Variants in EFHC2 observed in about 807,000 individuals in gnomAD.
EFHC2 encodes the protein EF-hand domain containing 2, also known as EF-hand domain-containing family member C2.
In EFHC2, 18 loss-of-function variants were observed where a neutral mutation model predicts 52.7. The observed-to-expected ratio is 0.34, with a 90% confidence interval of 0.24 to 0.51. EFHC2 has a LOEUF of 0.51. Among genes scored for constraint, EFHC2 ranks in the 20% least tolerant of loss-of-function variants. The pLI, the probability that EFHC2 is intolerant of heterozygous loss-of-function variation, is 0.97. For synonymous variants in EFHC2, 203 were observed against 204.1 expected (o/e 0.99, Z 0.04); for missense variants, 513 against 562.5 (o/e 0.91, Z 0.89).
Position 44,235,315 on chromosome X carries a change from C to T in EFHC2, c.1413G>A (p.Glu471=). The T allele has an allele frequency of 8.5e-7, 1 of 1,172,444 alleles. No homozygotes were observed. Among genetic ancestry groups the T allele is most frequent in the Non-Finnish European group, 1.1e-6 (1 of 875,495 alleles). ...DDTISVFEPI[E]RNSGIAGGMF... ...GAGTATATCTCTTACCTGAATTCCT[C>T]TCTATAGGTTCAAACACTGAAATGG... Residue 471 remains glutamate (E), a synonymous_variant, in exon 9 of 15, where the codon GAG becomes GAA. Coordinates refer to ENST00000420999, the MANE Select transcript of EFHC2 (RefSeq NM_025184.4).
intron 14 of EFHC2, among the ~76,000 whole-genome samples, chrX:44,158,586 T>A (rs41456646): frequency 0.062 from 6,886 of 110,743 alleles, 223 homozygotes; most frequent in Admixed American, 0.12. Flanking sequence ...GATCTTACCC[T>A]GAAGCCCTAC....
chrX:44,280,064 C>G (rs1338831823), intron 2 of EFHC2, among the ~76,000 whole-genome samples: 2 of 107,438 alleles, frequency 1.9e-5, no homozygotes, highest in Non-Finnish European at 3.9e-5. Flanking sequence ...CACACACACA[C>G]ACAGAAATCA....
At chrX:44,247,920 G>C (rs1341797809) in intron 7 of EFHC2, among the ~76,000 whole-genome samples, 1 of 111,898 alleles carries the variant, frequency 8.9e-6, no homozygotes, top group Admixed American at 9.5e-5. Flanking sequence ...GAAGAAGTAA[G>C]TGAAAAGAAA....
At chrX:44,274,795 G>A (rs2037643105) in intron 2 of EFHC2, among the ~76,000 whole-genome samples, 1 of 110,905 alleles carries the variant, frequency 9.0e-6, no homozygotes, top group Non-Finnish European at 1.9e-5. Context: ...GGGAGGCTGA[G>A]GTGGGAGGAT....
At chrX:44,188,119 G>A (rs1397635426) in intron 11 of EFHC2, among the ~76,000 whole-genome samples, 2 of 106,291 alleles carry the variant, frequency 1.9e-5, no homozygotes, top group African/African-American at 6.8e-5. Context: ...CTGCAGGTAT[G>A]TGAGGTATGT....
chrX:44,342,875 C>CAAAA (rs377220378), intron 1 of EFHC2, among the ~76,000 whole-genome samples: 6 of 57,406 alleles, frequency 1.0e-4, no homozygotes, highest in African/African-American at 1.6e-4. Context: ...GACTCCGTCT[C>CAAAA]AAAAAAAAAA....
At chrX:44,178,587 T>C in intron 11 of EFHC2, 23 bp from the exon 12 acceptor site, 1 of 1,084,546 alleles carries the variant, frequency 9.2e-7, no homozygotes, top group East Asian at 3.1e-5. Flanking sequence ...TGGAAAAACA[T>C]TTATAAACTG....
intron 13 of EFHC2, among the ~76,000 whole-genome samples, chrX:44,169,925 G>A (rs1307503641): frequency 8.9e-6 from 1 of 112,114 alleles, no homozygotes; most frequent in Non-Finnish European, 1.9e-5. Flanking sequence ...GATATCATGT[G>A]CAGTGCACTC....
At chrX:44,186,753 G>C (rs1181067) in intron 11 of EFHC2, among the ~76,000 whole-genome samples, 20,115 of 110,689 alleles carry the variant, frequency 0.18, 1,667 homozygotes, top group East Asian at 0.32. Context: ...AGTAATTCAA[G>C]ACTTACTCAT....
chrX:44,249,437 G>GT (rs1569293349), intron 5 of EFHC2, among the ~76,000 whole-genome samples: 1 of 109,005 alleles, frequency 9.2e-6, no homozygotes, highest in Non-Finnish European at 1.9e-5. Context: ...CTTAGATGGT[G>GT]TTTTTTTGGT....
At chrX:44,211,866 CAAAAAA>C (rs1164155147) in intron 11 of EFHC2, among the ~76,000 whole-genome samples, 3 of 50,444 alleles carry the variant, frequency 5.9e-5, no homozygotes, top group Non-Finnish European at 1.1e-4. Context: ...GACTCCCTCT[CAAAAAA>C]AAAAAAAAAA....
At chrX:44,154,632 G>A (rs1217352352) in intron 14 of EFHC2, among the ~76,000 whole-genome samples, 1 of 109,762 alleles carries the variant, frequency 9.1e-6, no homozygotes, top group Non-Finnish European at 1.9e-5. Context: ...TGAGCCCAGG[G>A]TTTCAAGGCT....
chrX:44,192,061 AGTGTGTGT>A (rs3037410), intron 11 of EFHC2, among the ~76,000 whole-genome samples: 11 of 95,352 alleles, frequency 1.2e-4, no homozygotes, highest in East Asian at 3.3e-4. Context: ...CACATATGTA[AGTGTGTGT>A]GTGTGTGTGT....
At chrX:44,151,323 T>A (rs1403201524) in intron 14 of EFHC2, among the ~76,000 whole-genome samples, 4 of 111,947 alleles carry the variant, frequency 3.6e-5, no homozygotes, top group Non-Finnish European at 5.6e-5. Context: ...ATTAGTTTCC[T>A]GGGGCTGCCG....
chrX:44,325,020 CT>C (rs984986700), intron 1 of EFHC2, among the ~76,000 whole-genome samples: 9 of 111,908 alleles, frequency 8.0e-5, no homozygotes, highest in East Asian at 5.6e-4. Context: ...AACACACACA[CT>C]TTTTTTTAAG....
chrX:44,155,330 G>C (rs1164270887), intron 14 of EFHC2, among the ~76,000 whole-genome samples: 9 of 112,076 alleles, frequency 8.0e-5, no homozygotes, highest in Non-Finnish European at 1.3e-4. Context: ...GCACACCCTT[G>C]AAATGGGAAG....
chrX:44,167,795 T>C (rs967216611), intron 13 of EFHC2, among the ~76,000 whole-genome samples: 22 of 111,588 alleles, frequency 2.0e-4, no homozygotes, highest in African/African-American at 7.2e-4. Context: ...ACAAAGGATA[T>C]TTCAATTAAA....
chrX:44,166,894 T>C (rs2036700160), intron 13 of EFHC2, among the ~76,000 whole-genome samples: 1 of 111,755 alleles, frequency 8.9e-6, no homozygotes, highest in South Asian at 3.8e-4. Context: ...CAAGCCACTA[T>C]TGTCTCTCAT....
chrX:44,249,313 A>G (rs1339426967), intron 5 of EFHC2, among the ~76,000 whole-genome samples: 1 of 111,604 alleles, frequency 9.0e-6, no homozygotes, highest in Non-Finnish European at 1.9e-5. Context: ...GCATTATGGT[A>G]ACCTTTTCAT....
Sources: allele counts gnomAD v4.1 joint callset (sites outside exome capture counted in the v4.1 genomes callset), GRCh38; gene constraint gnomAD v4.1.1; transcripts MANE v1.5; gene names NCBI Gene and HGNC (gene_info 2026-07-23, HGNC 2026-07-21).